BBX: variants seen among roughly 807,000 people sequenced by gnomAD.
BBX encodes BBX high mobility group box domain containing.
BBX carries 30 observed loss-of-function variants against 100.2 expected under a neutral mutation model. That is an observed-to-expected ratio of 0.30 (90% CI 0.22 to 0.41). The LOEUF (loss-of-function observed/expected upper bound fraction) is 0.41. Ranked by LOEUF, BBX falls within the 10% of genes least tolerant of loss-of-function variation. The probability of loss-of-function intolerance (pLI) is 1.00; values close to 1 mark genes in which losing one functional copy is unlikely to be tolerated. For missense variants in BBX, 1,023 were observed against 1,129.8 expected, an observed-to-expected ratio of 0.91 and a Z score of 1.35; for synonymous variants, 376 against 388.1, an observed-to-expected ratio of 0.97 and a Z score of 0.37.
chr3:107,714,411 G>GT (rs138222649), intron 4 of BBX, among the ~76,000 whole-genome samples: 2 of 151,840 alleles, frequency 1.3e-5, no homozygotes, highest in African/African-American at 4.8e-5. Flanking sequence ...TGTTTATATG[G>GT]TTTTTCCCCC....
intron 2 of BBX, among the ~76,000 whole-genome samples, chr3:107,528,833 G>A (rs1213741295): frequency 6.6e-6 from 1 of 152,148 alleles, no homozygotes. Context: ...ACACTTTTCA[G>A]TAAAATCACA....
intron 2 of BBX, among the ~76,000 whole-genome samples, chr3:107,584,672 CTTTTTTTTTTTTTTTTTTTTTTT>C (rs58393281): frequency 2.1e-4 from 6 of 28,348 alleles, no homozygotes; most frequent in African/African-American, 2.7e-4. Flanking sequence ...CCGTTGAAAT[CTTTTTTTTTTTTTTTTTTTTTTT>C]TTTTTTTTTT....
intron 9 of BBX, among the ~76,000 whole-genome samples, chr3:107,754,477 TC>T (rs2065320570): frequency 6.6e-6 from 1 of 152,210 alleles, no homozygotes; most frequent in Non-Finnish European, 1.5e-5. Flanking sequence ...GAAAGAGTCC[TC>T]ATAACTTCCT....
Position 107,583,984 on chromosome 3 carries a change from TTA to T in BBX, c.-84+57592_-84+57593del, listed in dbSNP as rs2052504049. Among the ~76,000 whole-genome samples, 3 of 71,180 alleles carry T rather than the reference TTA, an allele frequency of 4.2e-5. 1 individual carries two copies. The South Asian group carries it at 1.1e-3, about 26-fold the overall frequency. The allele number at this position is 71,180 out of a possible 152,430, so 46.7% of individuals were successfully genotyped here. The stretch of plus-strand genomic sequence containing the variant: ...ATATATTATATATATTATTATATTA[TTA>T]TATATTATTATATTATTATATATAT... On this transcript the variant is annotated intron_variant, in intron 2 of 17. Transcript: ENST00000325805.
chr3:107,792,150 T>C lies in BBX; in HGVS notation c.2353+851T>C, dbSNP rs561187559. On this transcript the variant is annotated intron_variant, in intron 15 of 17. Coordinates refer to ENST00000325805, the MANE Select transcript of BBX (RefSeq NM_001142568.3). Reference sequence around the variant, plus strand: ...TACTGTTAAGCATTGAGCCCTTAGGTGAAGCCTAATTTCTTCAATGGTTAA... The same window carrying C: ...TACTGTTAAGCATTGAGCCCTTAGGCGAAGCCTAATTTCTTCAATGGTTAA... 2.6e-5 allele frequency among the ~76,000 whole-genome samples: 4 copies of C among 152,372 alleles called. No homozygotes were observed. In the East Asian group the frequency reaches 5.8e-4, roughly 22 times the overall value.
In BBX at chr3:107,573,790, G is replaced by A. The variant is rs187708458; in HGVS notation, c.-84+47392G>A. On this transcript the variant is annotated intron_variant, in intron 2 of 17. Transcript: ENST00000325805. Reference sequence around the variant, plus strand: ...TGCCCAGGCTGGAGTGCAATGGCACGATCTCAGCTCACCGCAACCTCTGCC... The same window carrying A: ...TGCCCAGGCTGGAGTGCAATGGCACAATCTCAGCTCACCGCAACCTCTGCC... Among the ~76,000 whole-genome samples, 101 of 152,166 alleles carry A rather than the reference G, an allele frequency of 6.6e-4. 1 individual carries two copies. Among genetic ancestry groups the A allele is most frequent in the East Asian group, 4.6e-3 (24 of 5,164 alleles).
chr3:107,773,091 G>C lies in BBX; in HGVS notation c.1370G>C (p.Ser457Thr). ...AAGCTAAAAAAGAAAAAGAAGAAAA[G>C]CAAAATGGATCGACATGGAAATGAT... Reference protein sequence around the residue: ...PEKLKKKKKKSKMDRHGNDKS... With the variant: ...PEKLKKKKKKTKMDRHGNDKS... The change falls in exon 11 of 18, where the codon AGC becomes ACC. Residue 457 changes from serine to threonine, a missense_variant. By Grantham distance (58) the Ser-to-Thr change is moderately conservative. Coordinates refer to ENST00000325805, the MANE Select transcript of BBX (RefSeq NM_001142568.3). This position sits in a 1 kb window ranked among gnomAD's most constrained non-coding sequence, Gnocchi z 4.1. 6.2e-7 allele frequency: 1 copy of C among 1,613,132 alleles called. No homozygotes were observed. Among genetic ancestry groups the C allele is most frequent in the Non-Finnish European group, 8.5e-7 (1 of 1,179,812 alleles).
chr3:107,698,341 G>A (rs1236117693), intron 3 of BBX, among the ~76,000 whole-genome samples: 11 of 151,640 alleles, frequency 7.3e-5, no homozygotes, highest in Admixed American at 3.9e-4. Flanking sequence ...TAAAAAAAAT[G>A]TATGATTGCT....
At chr3:107,626,834 T>C (rs1678933200) in intron 2 of BBX, among the ~76,000 whole-genome samples, 1 of 151,998 alleles carries the variant, frequency 6.6e-6, no homozygotes, top group African/African-American at 2.4e-5. Flanking sequence ...TTTGTATTTT[T>C]AGTAGAGATG....
intron 9 of BBX, among the ~76,000 whole-genome samples, chr3:107,753,478 A>G (rs1394605539): frequency 4.6e-5 from 7 of 152,206 alleles, no homozygotes; most frequent in African/African-American, 1.7e-4. Context: ...GTAAACAGGT[A>G]AAAATCCTCC....
Position 107,733,094 on chromosome 3 carries a change from G to A in BBX, c.669+71G>A, listed in dbSNP as rs551054070. ...GGGAACACAGTTATAGTCTGTTTACGTTGTTCATTCTGCATTTTCACTGTT... is the reference window on the plus strand; with the variant it reads ...GGGAACACAGTTATAGTCTGTTTACATTGTTCATTCTGCATTTTCACTGTT... On this transcript the variant is annotated intron_variant, in intron 7 of 17. Transcript: ENST00000325805. 165 of 1,353,882 alleles carry A rather than the reference G, an allele frequency of 1.2e-4. 1 individual carries two copies. The South Asian group carries it at 1.5e-3, about 12-fold the overall frequency. 83.9% of individuals were successfully genotyped at this position (1,353,882 alleles called of 1,614,324 possible). A position where few individuals can be genotyped will look rare whatever the true frequency, so the allele number is the denominator to read the frequency against.
chr3:107,636,697 A>G (rs1029606541), intron 2 of BBX, among the ~76,000 whole-genome samples: 1 of 152,208 alleles, frequency 6.6e-6, no homozygotes, highest in African/African-American at 2.4e-5. Context: ...GATAACCCTT[A>G]TGTCTACCAA....
At chr3:107,787,420 T>C (rs1340690719) in intron 13 of BBX, among the ~76,000 whole-genome samples, 2 of 152,144 alleles carry the variant, frequency 1.3e-5, no homozygotes, top group Admixed American at 6.5e-5. Context: ...TGATACTATT[T>C]ATATGAAATT....
At chr3:107,689,635 C>T (rs1442728717) in intron 3 of BBX, among the ~76,000 whole-genome samples, 1 of 152,158 alleles carries the variant, frequency 6.6e-6, no homozygotes, top group Non-Finnish European at 1.5e-5. Flanking sequence ...TTCCGATTCC[C>T]TCCCTCCTCA....
chr3:107,578,883 TAGA>T (rs926545250), intron 2 of BBX, among the ~76,000 whole-genome samples: 3 of 152,102 alleles, frequency 2.0e-5, no homozygotes, highest in Admixed American at 6.6e-5. Context: ...TTTGGAAGAG[TAGA>T]AGAAGGCAGT....
intron 5 of BBX, among the ~76,000 whole-genome samples, chr3:107,720,888 G>A (rs984679381): frequency 4.0e-5 from 6 of 151,882 alleles, no homozygotes; most frequent in Non-Finnish European, 8.8e-5. Flanking sequence ...CATCAGATAT[G>A]GACTCTTTTC....
At chr3:107,608,633 C>T (rs1203898220) in intron 2 of BBX, among the ~76,000 whole-genome samples, 1 of 151,994 alleles carries the variant, frequency 6.6e-6, no homozygotes, top group Non-Finnish European at 1.5e-5. Flanking sequence ...GGATTATATT[C>T]AATCCGTAGA....
intron 10 of BBX, among the ~76,000 whole-genome samples, chr3:107,758,978 T>C (rs981308624): frequency 2.0e-5 from 3 of 151,330 alleles, no homozygotes; most frequent in Non-Finnish European, 4.4e-5. Context: ...AACATGGGGG[T>C]TGTTGCTTCC....
At chr3:107,727,267 C>T (rs967163519) in intron 5 of BBX, among the ~76,000 whole-genome samples, 1 of 152,078 alleles carries the variant, frequency 6.6e-6, no homozygotes, top group Admixed American at 6.6e-5. Flanking sequence ...GTGTCTGCTA[C>T]TTCCATTTTC....
Sources: allele counts gnomAD v4.1 joint callset (sites outside exome capture counted in the v4.1 genomes callset), GRCh38; gene constraint gnomAD v4.1.1; non-coding constraint Gnocchi (gnomAD v3.1); transcripts MANE v1.5; gene names NCBI Gene and HGNC (gene_info 2026-07-23, HGNC 2026-07-21).